The following PRKN variants were observed in gnomAD, a reference collection of about 807,000 sequenced individuals.
PRKN encodes the protein E3 ubiquitin-protein ligase parkin.
A neutral mutation model predicts 59.5 loss-of-function variants in PRKN; 56 were observed. The ratio of observed to expected loss-of-function variants is 0.94; its 90% CI spans 0.76 to 1.18. The LOEUF (loss-of-function observed/expected upper bound fraction) is 1.18. Among genes scored for constraint, PRKN ranks in the 50% most tolerant of loss-of-function variants. PRKN has a pLI of 0.00. For synonymous variants in PRKN, 250 were observed against 222.1 expected, an observed-to-expected ratio of 1.13 and a Z score of -1.12; for missense variants, 657 against 596.4, an observed-to-expected ratio of 1.10 and a Z score of -1.06.
In PRKN at chr6:162,304,138, C is replaced by G. The variant is rs948032788; in HGVS notation, c.172-41373G>C. Among the ~76,000 whole-genome samples the G allele has an allele frequency of 4.7e-4, 71 of 151,156 alleles. 7 individuals are homozygous for G. The highest frequency in any genetic ancestry group is 1.7e-3 in the African/African-American group (69 of 41,132). ...TGATTATAATTCATTTGGAATAGGC[C>G]TTTTCCTCACCTCTGAATTGCAGGG... On this transcript the variant is annotated intron_variant, in intron 2 of 11. Transcript: ENST00000366898.
intron 4 of PRKN, among the ~76,000 whole-genome samples, chr6:162,177,556 T>C (rs974775606): frequency 1.2e-4 from 19 of 152,010 alleles, no homozygotes; most frequent in Admixed American, 1.3e-4. Context: ...TCTATCAAAA[T>C]AACATAGTGC....
intron 3 of PRKN, among the ~76,000 whole-genome samples, chr6:162,260,060 T>C (rs1220078043): frequency 6.6e-6 from 1 of 152,162 alleles, no homozygotes; most frequent in African/African-American, 2.4e-5. Context: ...AACATATCTT[T>C]ACAGAGGCCT....
At chr6:161,509,354 T>A (rs551183154) in intron 9 of PRKN, among the ~76,000 whole-genome samples, 2 of 152,154 alleles carry the variant, frequency 1.3e-5, no homozygotes, top group African/African-American at 4.8e-5. Context: ...GAGAAAATGA[T>A]CCATTCTGAG....
intron 2 of PRKN, among the ~76,000 whole-genome samples, chr6:162,291,805 G>A (rs752277779): frequency 1.5e-4 from 23 of 152,028 alleles, no homozygotes; most frequent in Admixed American, 6.6e-4. Context: ...TATAGAAGAG[G>A]AAAAGGTTGG....
chr6:162,387,551 C>CAGAG (rs1786903693), intron 2 of PRKN, among the ~76,000 whole-genome samples: 1 of 76,636 alleles, frequency 1.3e-5, no homozygotes, highest in Non-Finnish European at 2.5e-5. Flanking sequence ...CACACACACA[C>CAGAG]ACACAGAGAG....
intron 2 of PRKN, among the ~76,000 whole-genome samples, chr6:162,365,797 T>C (rs966157527): frequency 1.1e-4 from 16 of 152,204 alleles, no homozygotes; most frequent in Non-Finnish European, 2.4e-4. Context: ...TCTGGAATAA[T>C]CTTGTTCATG....
intron 3 of PRKN, among the ~76,000 whole-genome samples, chr6:162,213,725 A>G (rs1777507108): frequency 6.6e-6 from 1 of 151,504 alleles, no homozygotes; most frequent in South Asian, 2.1e-4. Context: ...ACAGAATGAC[A>G]CCCTGCCTTA....
At chr6:162,156,883 T>C (rs1782536716) in intron 4 of PRKN, among the ~76,000 whole-genome samples, 1 of 152,126 alleles carries the variant, frequency 6.6e-6, no homozygotes, top group Non-Finnish European at 1.5e-5. Flanking sequence ...CTCCAGACCA[T>C]GTGGCCCTAT....
chr6:162,359,079 A>AAAAAAAAAAAAATATATATAT (rs57265104), intron 2 of PRKN, among the ~76,000 whole-genome samples: 5 of 83,272 alleles, frequency 6.0e-5, no homozygotes, highest in African/African-American at 3.7e-4. Flanking sequence ...AAAAAAAAAA[A>AAAAAAAAAAAAATATATATAT]ATATATATAT....
intron 6 of PRKN, among the ~76,000 whole-genome samples, chr6:161,880,589 G>A (rs1301645071): frequency 1.3e-5 from 2 of 152,164 alleles, no homozygotes; most frequent in Non-Finnish European, 1.5e-5. Context: ...CTGGGGAGGA[G>A]CACCGGCCCA....
At chr6:162,110,110 C>G (rs1780360265) in intron 4 of PRKN, among the ~76,000 whole-genome samples, 1 of 152,012 alleles carries the variant, frequency 6.6e-6, no homozygotes, top group East Asian at 1.9e-4. Flanking sequence ...TGTGTGTGTA[C>G]TATGGGATAA....
intron 4 of PRKN, among the ~76,000 whole-genome samples, chr6:162,134,071 CCTCTTATTAAATATTTACAAAA>C (rs1468877420): frequency 1.2e-4 from 19 of 152,066 alleles, no homozygotes; most frequent in Middle Eastern, 3.2e-3. Context: ...CAGTATACGT[CCTCTTATTAAATATTTACAAAA>C]CTCTATATGG....
chr6:161,649,652 C>G (rs548128787), intron 7 of PRKN, among the ~76,000 whole-genome samples: 1 of 152,130 alleles, frequency 6.6e-6, no homozygotes, highest in African/African-American at 2.4e-5. Flanking sequence ...TATTTCAAGG[C>G]TTTTAATCAG....
chr6:161,650,443 C>T (rs1390899022), intron 7 of PRKN, among the ~76,000 whole-genome samples: 1 of 152,120 alleles, frequency 6.6e-6, no homozygotes, highest in Admixed American at 6.5e-5. Flanking sequence ...TACTCCCCAG[C>T]ACTACAACGA....
intron 10 of PRKN, among the ~76,000 whole-genome samples, chr6:161,381,386 C>T (rs1270776898): frequency 1.3e-5 from 2 of 152,164 alleles, no homozygotes; most frequent in Non-Finnish European, 2.9e-5. Flanking sequence ...GGTGGCCACT[C>T]TCCCTCCCTC....
chr6:161,878,904 C>T (rs1007204665), intron 6 of PRKN, among the ~76,000 whole-genome samples: 7 of 152,234 alleles, frequency 4.6e-5, no homozygotes, highest in South Asian at 2.1e-4. Context: ...GACAGATGTT[C>T]GGCTTTGGTA....
At chr6:161,823,480 A>T (rs1009724847) in intron 6 of PRKN, among the ~76,000 whole-genome samples, 8 of 152,192 alleles carry the variant, frequency 5.3e-5, no homozygotes, top group Non-Finnish European at 8.8e-5. Flanking sequence ...AATCCTGTCC[A>T]TAAGTGTATG....
Position 161,354,098 on chromosome 6 carries a change from C to CA in PRKN, c.1286-3888dup, listed in dbSNP as rs1784664674. Among the ~76,000 whole-genome samples, 1 of 152,196 alleles carries CA rather than the reference C, an allele frequency of 6.6e-6. No homozygotes were observed. Among genetic ancestry groups the CA allele is most frequent in the African/African-American group, 2.4e-5 (1 of 41,444 alleles). ...TATCTTGGTACAGAAGCTAGAATTA[C>CA]AATGGCCTGGTACAGTAAGAATGGA... is the stretch of plus-strand genomic sequence containing the variant. On this transcript the variant is annotated intron_variant, in intron 11 of 11. Transcript: ENST00000366898. This position sits in a 1 kb window ranked among gnomAD's most constrained non-coding sequence, Gnocchi z 6.7.
At chr6:162,592,475 T>C (rs975702579) in intron 1 of PRKN, among the ~76,000 whole-genome samples, 1 of 152,234 alleles carries the variant, frequency 6.6e-6, no homozygotes, top group African/African-American at 2.4e-5. Flanking sequence ...ATTTGGGTTC[T>C]GTGGGGATTT....
Sources: allele counts gnomAD v4.1 joint callset (sites outside exome capture counted in the v4.1 genomes callset), GRCh38; gene constraint gnomAD v4.1.1; non-coding constraint Gnocchi (gnomAD v3.1); transcripts MANE v1.5; gene names NCBI Gene and HGNC (gene_info 2026-07-23, HGNC 2026-07-21).